SIL1: variants seen among roughly 807,000 people sequenced by gnomAD.
The protein encoded by SIL1 is SIL1 nucleotide exchange factor.
In SIL1, 40 loss-of-function variants were observed where a neutral mutation model predicts 49.1. The ratio of observed to expected loss-of-function variants is 0.81; its 90% confidence interval spans 0.63 to 1.06. The LOEUF (loss-of-function observed/expected upper bound fraction) is 1.06. Among genes scored for constraint, SIL1 ranks in the 50% least tolerant of loss-of-function variants. The probability of loss-of-function intolerance (pLI) is 0.00; values close to 1 mark genes in which losing one functional copy is unlikely to be tolerated. For synonymous variants in SIL1, 253 were observed against 250.8 expected (o/e 1.01, Z -0.08); for missense variants, 500 against 572.6 (o/e 0.87, Z 1.29).
At chr5:139,181,937 AG>A (rs762418301) in intron 1 of SIL1, among the ~76,000 whole-genome samples, 1 of 152,238 alleles carries the variant, frequency 6.6e-6, no homozygotes, top group African/African-American at 2.4e-5. Context: ...CCAGGGGACC[AG>A]GGCTGGCCTG....
intron 3 of SIL1, among the ~76,000 whole-genome samples, chr5:139,078,634 C>T (rs1439548036): frequency 2.0e-5 from 3 of 152,232 alleles, no homozygotes; most frequent in Admixed American, 6.5e-5. Context: ...CAACTCTTCC[C>T]GATCCCAGTG....
At chr5:139,035,888 A>T (rs979313268) in intron 5 of SIL1, 1 of 153,730 alleles carries the variant, frequency 6.5e-6, no homozygotes, top group Non-Finnish European at 1.4e-5. Flanking sequence ...CTGACCCGTG[A>T]TCCACCCGCC....
At chr5:139,117,682 C>T (rs1428524198) in intron 3 of SIL1, among the ~76,000 whole-genome samples, 6 of 152,066 alleles carry the variant, frequency 3.9e-5, no homozygotes, top group Non-Finnish European at 7.4e-5. Flanking sequence ...GCTGTGCCTC[C>T]GTAAGGTGAG....
chr5:138,976,282 G>A (rs1445226767), intron 7 of SIL1, among the ~76,000 whole-genome samples: 1 of 150,990 alleles, frequency 6.6e-6, no homozygotes, highest in African/African-American at 2.4e-5. Context: ...TGTGCCCGGT[G>A]CATGCTCAGT....
At chr5:139,171,521 TCAC>T (rs1056951343) in intron 1 of SIL1, among the ~76,000 whole-genome samples, 1 of 151,994 alleles carries the variant, frequency 6.6e-6, no homozygotes, top group Non-Finnish European at 1.5e-5. Flanking sequence ...TTAAGAATCA[TCAC>T]CACTCCCTAA....
intron 2 of SIL1, among the ~76,000 whole-genome samples, chr5:139,127,365 G>C (rs1429428486): frequency 6.6e-6 from 1 of 152,194 alleles, no homozygotes; most frequent in African/African-American, 2.4e-5. Flanking sequence ...TAATGTCTCT[G>C]AGTCTTAGTC....
chr5:139,056,261 G>A (rs1769419920), intron 3 of SIL1, among the ~76,000 whole-genome samples: 1 of 151,472 alleles, frequency 6.6e-6, no homozygotes, highest in African/African-American at 2.4e-5. Flanking sequence ...CATCTAGGAA[G>A]TGAGGAGCGT....
intron 1 of SIL1, among the ~76,000 whole-genome samples, chr5:139,184,519 T>G (rs1292476202): frequency 6.6e-6 from 1 of 151,854 alleles, no homozygotes; most frequent in African/African-American, 2.4e-5. Context: ...CAAAAAAATT[T>G]TAAAAAATTA....
chr5:138,962,071 G>T (rs755720742), intron 7 of SIL1, among the ~76,000 whole-genome samples: 18 of 150,104 alleles, frequency 1.2e-4, no homozygotes, highest in Non-Finnish European at 2.4e-4. Flanking sequence ...TGTCAGAAAA[G>T]AGAATTAAGA....
chr5:138,954,303 C>T (rs1445339730), intron 7 of SIL1, among the ~76,000 whole-genome samples: 1 of 152,268 alleles, frequency 6.6e-6, no homozygotes, highest in Admixed American at 6.5e-5. Flanking sequence ...TCACCCACAG[C>T]CAAGTCTGTG....
chr5:138,971,744 T>C (rs945864228), intron 7 of SIL1, among the ~76,000 whole-genome samples: 2 of 152,068 alleles, frequency 1.3e-5, no homozygotes, highest in Admixed American at 1.3e-4. Flanking sequence ...GCTGCAAAAG[T>C]AGAAAACTTC....
chr5:138,958,680 T>C (rs1766951431), intron 7 of SIL1, among the ~76,000 whole-genome samples: 2 of 151,130 alleles, frequency 1.3e-5, no homozygotes. Flanking sequence ...GATTTTTGGA[T>C]CAGGGATGCT....
chr5:139,082,061 G>C (rs1259419880), intron 3 of SIL1, among the ~76,000 whole-genome samples: 1 of 152,154 alleles, frequency 6.6e-6, no homozygotes, highest in Non-Finnish European at 1.5e-5. Context: ...CTGGGCATCA[G>C]AATAGCTGCT....
chr5:139,006,511 G>A lies in SIL1; in HGVS notation c.767+14660C>T, dbSNP rs1458629189. ...TGTTGCCATTGCTTTTGGTGTTTTG[G>A]ACATGAAGTCCTTGCCCACGCCTAT... is the stretch of plus-strand genomic sequence containing the variant. On this transcript the variant is annotated intron_variant, in intron 7 of 9. Coordinates refer to ENST00000394817, the MANE Select transcript of SIL1 (RefSeq NM_022464.5). 2.0e-3 allele frequency among the ~76,000 whole-genome samples: 274 copies of A among 140,484 alleles called. 3 individuals are homozygous for A. The highest frequency in any genetic ancestry group is 0.019 in the Admixed American group (260 of 13,872). The allele number at this position is 140,484 out of a possible 152,430, so 92.2% of individuals were successfully genotyped here. A position where few individuals can be genotyped will look rare whatever the true frequency, so the allele number is the denominator to read the frequency against.
intron 3 of SIL1, 102 bp downstream of exon 3, chr5:139,120,933 G>A: frequency 1.4e-6 from 2 of 1,454,798 alleles, no homozygotes; most frequent in Non-Finnish European, 1.9e-6. Context: ...CCCTCCCGCA[G>A]GCCAGAGAAG....
chr5:138,975,742 G>A (rs887403940), intron 7 of SIL1, among the ~76,000 whole-genome samples: 1 of 152,182 alleles, frequency 6.6e-6, no homozygotes. Context: ...GGGAAGCCAT[G>A]GGGAGACCTG....
chr5:138,998,771 G>C (rs987350676), intron 7 of SIL1, among the ~76,000 whole-genome samples: 2 of 151,760 alleles, frequency 1.3e-5, no homozygotes, highest in Non-Finnish European at 2.9e-5. Context: ...TCTCCCACCA[G>C]GCCCTACCTC....
At chr5:139,105,037 G>A (rs1016845724) in intron 3 of SIL1, among the ~76,000 whole-genome samples, 1 of 152,138 alleles carries the variant, frequency 6.6e-6, no homozygotes, top group Non-Finnish European at 1.5e-5. Flanking sequence ...AGCAGGGCAG[G>A]GATAGGGCGG....
chr5:139,042,799 T>G (rs1581053700), intron 4 of SIL1, 80 bp from the exon 5 acceptor site: 1 of 1,258,706 alleles, frequency 7.9e-7, no homozygotes, highest in Non-Finnish European at 1.2e-6. Context: ...GTACTCTGGG[T>G]GGCCAAGATG....
Sources: allele counts gnomAD v4.1 joint callset (sites outside exome capture counted in the v4.1 genomes callset), GRCh38; gene constraint gnomAD v4.1.1; transcripts MANE v1.5; gene names NCBI Gene and HGNC (gene_info 2026-07-23, HGNC 2026-07-21).